Variants in GRAP2 observed in about 807,000 individuals in gnomAD.
GRAP2 encodes GRB2 related adaptor protein 2.
In GRAP2, 31 loss-of-function variants were observed where a neutral mutation model predicts 43.5. That is an observed-to-expected ratio of 0.71 (90% confidence interval 0.54 to 0.96). The LOEUF (loss-of-function observed/expected upper bound fraction) is 0.96, where lower values mean the gene tolerates loss of function less well. Among genes scored for constraint, GRAP2 ranks in the 40% least tolerant of loss-of-function variants. GRAP2 has a pLI of 0.00. For synonymous variants in GRAP2, 156 were observed against 164.8 expected, an observed-to-expected ratio of 0.95 and a Z score of 0.41; for missense variants, 371 against 424.4, an observed-to-expected ratio of 0.87 and a Z score of 1.11.
chr22:39,921,227 T>C (rs977479734), intron 1 of GRAP2, among the ~76,000 whole-genome samples: 3 of 152,190 alleles, frequency 2.0e-5, no homozygotes, highest in Non-Finnish European at 4.4e-5. Context: ...GGATTTGAAT[T>C]TCAGCTCTAT....
At chr22:39,918,379 C>T (rs1377643228) in intron 1 of GRAP2, among the ~76,000 whole-genome samples, 11 of 152,128 alleles carry the variant, frequency 7.2e-5, no homozygotes, top group Admixed American at 7.2e-4. Flanking sequence ...GCACTTTAGA[C>T]GTCCATATTG....
chr22:39,899,137 A>G (rs1226194486), upstream of GRAP2, among the ~76,000 whole-genome samples: 4 of 152,202 alleles, frequency 2.6e-5, no homozygotes. Flanking sequence ...CCCTCCCACT[A>G]TGCTCTACAT....
chr22:39,968,363 A>T (rs200175175), intron 6 of GRAP2, 91 bp downstream of exon 6: 227 of 1,481,006 alleles, frequency 1.5e-4, no homozygotes, highest in Non-Finnish European at 8.5e-5. Flanking sequence ...GTTCTCAGAG[A>T]GTTCATGATG....
intron 3 of GRAP2, among the ~76,000 whole-genome samples, chr22:39,959,833 G>C (rs2067097386): frequency 6.6e-6 from 1 of 152,184 alleles, no homozygotes; most frequent in Admixed American, 6.5e-5. Context: ...GACTTCTCCT[G>C]GAGAGAAGGA....
chr22:39,965,910 A>G (rs2145677285), intron 4 of GRAP2, 80 bp from the exon 5 acceptor site: 1 of 1,166,820 alleles, frequency 8.6e-7, no homozygotes, highest in South Asian at 1.2e-5. Context: ...AGAGAACTCC[A>G]CCATCCCAGA....
chr22:39,899,945 C>T (rs2066483252), upstream of GRAP2, among the ~76,000 whole-genome samples: 1 of 151,846 alleles, frequency 6.6e-6, no homozygotes, highest in African/African-American at 2.4e-5. Flanking sequence ...AAGATCATGC[C>T]ATTGCACTCC....
At chr22:39,897,241 C>T (rs939628592), upstream of GRAP2, among the ~76,000 whole-genome samples, 1 of 152,166 alleles carries the variant, frequency 6.6e-6, no homozygotes, top group African/African-American at 2.4e-5. Context: ...TCTAGGTTCT[C>T]AGGCCATGAA....
rs374602672 is a variant in GRAP2, at chr22:39,965,683, C to T, written c.291-307C>T. On this transcript the variant is annotated intron_variant, in intron 4 of 7. Transcript: ENST00000344138. The stretch of plus-strand genomic sequence containing the variant: ...GTGAAAAGGTCTTTGATCTCTTTGT[C>T]GTTAAGTCACTTGGAACATGCTTTT... 3.9e-5 allele frequency among the ~76,000 whole-genome samples: 6 copies of T among 152,166 alleles called. 1 individual carries two copies. The highest frequency in any genetic ancestry group is 9.7e-5 in the African/African-American group (4 of 41,448).
chr22:39,967,973 C>T (rs906581105), intron 5 of GRAP2, 69 bp from the exon 6 acceptor site: 3 of 1,546,756 alleles, frequency 1.9e-6, no homozygotes, highest in Admixed American at 1.9e-5. Context: ...AACAACTGCC[C>T]GAGGGTAGGG....
At chr22:39,942,263 A>G (rs2066878716) in intron 1 of GRAP2, among the ~76,000 whole-genome samples, 1 of 152,176 alleles carries the variant, frequency 6.6e-6, no homozygotes, top group Non-Finnish European at 1.5e-5. Flanking sequence ...TGACCTTGTC[A>G]ATTCGACTGG....
chr22:39,947,071 G>T, intron 1 of GRAP2, 22 bp from the exon 2 acceptor site: 1 of 1,407,184 alleles, frequency 7.1e-7, no homozygotes, highest in South Asian at 1.2e-5. Context: ...GAGGCACAAT[G>T]ACCACATTAT....
chr22:39,964,471 CA>C, intron 4 of GRAP2: 2 of 1,026,954 alleles, frequency 1.9e-6, no homozygotes, highest in East Asian at 2.5e-5. Context: ...CAAGCAGAAA[CA>C]AAAAGAGGAG....
At chr22:39,947,312 C>T (rs1355009228) in intron 2 of GRAP2, 128 bp downstream of exon 2, 1 of 709,622 alleles carries the variant, frequency 1.4e-6, no homozygotes, top group Non-Finnish European at 2.6e-6. Context: ...CCTTGATTCC[C>T]TTTGTGCACC....
At chr22:39,908,941 T>C (rs1469778054) in intron 1 of GRAP2, among the ~76,000 whole-genome samples, 2 of 152,210 alleles carry the variant, frequency 1.3e-5, no homozygotes, top group Non-Finnish European at 2.9e-5. Flanking sequence ...TTGGCTCCCG[T>C]ATCCTGTGTT....
At chr22:39,900,218 A>G (rs564867653), upstream of GRAP2, among the ~76,000 whole-genome samples, 1 of 152,318 alleles carries the variant, frequency 6.6e-6, no homozygotes, top group Admixed American at 6.5e-5. Flanking sequence ...TTGCAGAAAA[A>G]GTTTAAATTT....
At chr22:39,894,348 ATAGG>A in the GRAP2 span, among the ~76,000 whole-genome samples, 5 of 144,648 alleles carry the variant, frequency 3.5e-5, no homozygotes. Context: ...ATTCTCACTC[ATAGG>A]TGGGAATTGA....
intron 1 of GRAP2, among the ~76,000 whole-genome samples, chr22:39,919,681 C>T (rs1569195531): frequency 6.6e-6 from 1 of 152,196 alleles, no homozygotes; most frequent in Admixed American, 6.5e-5. Flanking sequence ...GAAGTCAGAA[C>T]AGATAGCCAT....
At chr22:39,962,830 T>C (rs990321916) in intron 4 of GRAP2, among the ~76,000 whole-genome samples, 5 of 151,900 alleles carry the variant, frequency 3.3e-5, no homozygotes, top group African/African-American at 1.2e-4. Context: ...GGCTAATTTG[T>C]GTGTGTGTGG....
chr22:39,963,594 C>A (rs2067140609), intron 4 of GRAP2, among the ~76,000 whole-genome samples: 1 of 152,164 alleles, frequency 6.6e-6, no homozygotes, highest in Non-Finnish European at 1.5e-5. Flanking sequence ...CACCCGAAAT[C>A]AGTCAAGCAA....
Sources: allele counts gnomAD v4.1 joint callset (sites outside exome capture counted in the v4.1 genomes callset), GRCh38; gene constraint gnomAD v4.1.1; transcripts MANE v1.5; gene names NCBI Gene and HGNC (gene_info 2026-07-23, HGNC 2026-07-21).